The following ANO1 variants were observed in gnomAD, a reference collection of about 807,000 sequenced individuals.
The protein encoded by ANO1 is anoctamin-1.
A neutral mutation model predicts 124.0 loss-of-function variants in ANO1; 59 were observed. That is an observed-to-expected ratio of 0.48 (90% confidence interval 0.39 to 0.59). The LOEUF is 0.59. Ranked by LOEUF, ANO1 falls within the 20% of genes least tolerant of loss-of-function variation. The pLI is 0.00. For synonymous variants in ANO1, 529 were observed against 532.0 expected (o/e 0.99, Z 0.08); for missense variants, 1,059 against 1,328.0 (o/e 0.80, Z 3.15).
chr11:70,187,606 T>A, intron 25 of ANO1, 132 bp from the exon 26 acceptor site: 1 of 1,140,726 alleles, frequency 8.8e-7, no homozygotes, highest in Non-Finnish European at 1.2e-6. Flanking sequence ...TCTGGAAAAC[T>A]GAGGCCCAGG....
At chr11:70,087,704 A>G in intron 1 of ANO1, 48 bp from the exon 2 acceptor site, 2 of 1,506,496 alleles carry the variant, frequency 1.3e-6, no homozygotes, top group Non-Finnish European at 1.8e-6. Flanking sequence ...CCAAAGGCCC[A>G]TCACGAGCAG....
chr11:70,108,292 G>C, intron 5 of ANO1, 61 bp from the exon 6 acceptor site: 1 of 1,531,084 alleles, frequency 6.5e-7, no homozygotes. Flanking sequence ...ACAGCAGACT[G>C]TTTCTGCTCG....
At chr11:70,111,371 C>T (rs936776630) in intron 6 of ANO1, among the ~76,000 whole-genome samples, 5 of 152,204 alleles carry the variant, frequency 3.3e-5, no homozygotes, top group Non-Finnish European at 5.9e-5. Context: ...TGGGGGGAGC[C>T]GGTGAATCGG....
intron 1 of ANO1, among the ~76,000 whole-genome samples, chr11:70,042,573 T>A (rs2135060307): frequency 6.7e-6 from 1 of 149,008 alleles, no homozygotes; most frequent in Middle Eastern, 3.5e-3. Flanking sequence ...GAGAGAGAAA[T>A]CTGCAGAGAG....
rs2135164045 is a variant in ANO1 at position 70,078,643 on chromosome 11, G to A, written c.37G>A (p.Glu13Lys). Residue 13 changes from glutamate (E) to lysine (K), a missense_variant, in exon 1 of 26, where the codon GAG becomes AAG. By Grantham distance (56) the Glu-to-Lys change is moderately conservative. Transcript: ENST00000355303. ...VNEKYSTLPAEDRSVHIINIC... is the reference protein window; with the variant it reads ...VNEKYSTLPAKDRSVHIINIC... Reference sequence around the variant, plus strand: ...CGAGAAGTACTCGACGCTCCCGGCCGAGGACCGCAGCGTCCACATCATCAA... The same window carrying A: ...CGAGAAGTACTCGACGCTCCCGGCCAAGGACCGCAGCGTCCACATCATCAA... The A allele has an allele frequency of 1.3e-6, 2 of 1,500,864 alleles. No individual in the cohort carries two copies. Among genetic ancestry groups the A allele is most frequent in the Non-Finnish European group, 1.8e-6 (2 of 1,115,038 alleles). 93.0% of individuals were successfully genotyped at this position (1,500,864 alleles called of 1,614,324 possible).
intron 1 of ANO1, among the ~76,000 whole-genome samples, chr11:70,005,538 T>C (rs540749740): frequency 6.6e-6 from 1 of 152,340 alleles, no homozygotes; most frequent in East Asian, 1.9e-4. Flanking sequence ...CATGGCCTCA[T>C]TGTTGATCTT....
intron 1 of ANO1, among the ~76,000 whole-genome samples, chr11:70,014,379 T>C (rs1856662267): frequency 6.6e-6 from 1 of 151,652 alleles, no homozygotes; most frequent in Admixed American, 6.6e-5. Context: ...CTGGTTTTGA[T>C]GTCAACATCA....
At chr11:70,099,773 C>A (rs2045184825) in intron 2 of ANO1, among the ~76,000 whole-genome samples, 1 of 152,294 alleles carries the variant, frequency 6.6e-6, no homozygotes, top group East Asian at 1.9e-4. Flanking sequence ...GGGAAACAGG[C>A]CTTGTGATAC....
intron 1 of ANO1, among the ~76,000 whole-genome samples, chr11:70,039,170 G>T (rs1555004773): frequency 6.6e-6 from 1 of 152,188 alleles, no homozygotes; most frequent in Non-Finnish European, 1.5e-5. Context: ...AGGAAGTAAG[G>T]CAGGTAACAA....
At chr11:70,034,862 G>T (rs1403553591) in intron 1 of ANO1, among the ~76,000 whole-genome samples, 4 of 152,134 alleles carry the variant, frequency 2.6e-5, no homozygotes, top group Non-Finnish European at 5.9e-5. Context: ...GCCAGAGGCA[G>T]GAAAGCCTGA....
chr11:70,118,431 C>A (rs2046082711), intron 8 of ANO1, among the ~76,000 whole-genome samples: 2 of 152,148 alleles, frequency 1.3e-5, no homozygotes, highest in African/African-American at 4.8e-5. Context: ...AATTTTAGGT[C>A]CCAGCAGTGG....
rs2044949667 is a variant in ANO1 at position 70,096,204 on chromosome 11, T to A, written c.442-6862T>A. Among the ~76,000 whole-genome samples the A allele has an allele frequency of 2.0e-5, 3 of 152,210 alleles. No individual in the cohort carries two copies. In the South Asian group the frequency reaches 6.2e-4, roughly 32 times the overall value. On this transcript the variant is annotated intron_variant, in intron 2 of 25. Coordinates refer to ENST00000355303, the MANE Select transcript of ANO1 (RefSeq NM_018043.7). ...AAAGGTGACCTTGTCCAGAAAGGTT[T>A]GCAGCGTTATAGATGAGAGCCACCT...
chr11:70,151,606 G>A (rs746010502), intron 12 of ANO1, among the ~76,000 whole-genome samples: 4 of 152,164 alleles, frequency 2.6e-5, no homozygotes, highest in African/African-American at 7.2e-5. Context: ...TCCTGACCCT[G>A]ATGGCTTGGG....
chr11:70,064,772 G>A (rs1555008266), intron 1 of ANO1: 2 of 152,222 alleles, frequency 1.3e-5, no homozygotes. Context: ...TTATACTTTA[G>A]TATGAGTTTG....
chr11:70,127,863 G>T (rs980043833), intron 10 of ANO1, among the ~76,000 whole-genome samples: 4 of 152,232 alleles, frequency 2.6e-5, no homozygotes, highest in Non-Finnish European at 1.5e-5. Context: ...TGCCTTCAGC[G>T]TGCAAATCGC....
chr11:70,116,663 G>T, intron 8 of ANO1, 164 bp downstream of exon 8: 1 of 616,526 alleles, frequency 1.6e-6, no homozygotes, highest in Non-Finnish European at 2.8e-6. Flanking sequence ...ACCTTTTCAG[G>T]AGAAAAGTCC....
the ANO1 span, among the ~76,000 whole-genome samples, chr11:69,979,924 C>T: frequency 6.6e-6 from 1 of 152,180 alleles, no homozygotes; most frequent in African/African-American, 2.4e-5. Context: ...CCCTGGCCAA[C>T]TGTGCCGTGC....
At chr11:70,140,658 T>C (rs2047121088) in intron 11 of ANO1, among the ~76,000 whole-genome samples, 1 of 152,184 alleles carries the variant, frequency 6.6e-6, no homozygotes, top group African/African-American at 2.4e-5. Context: ...CTTGTTTATG[T>C]AGAGGATAAC....
At chr11:70,091,755 C>T (rs979253042) in intron 2 of ANO1, among the ~76,000 whole-genome samples, 1 of 152,190 alleles carries the variant, frequency 6.6e-6, no homozygotes, top group African/African-American at 2.4e-5. Flanking sequence ...GGGTGGGACA[C>T]ACTGTGTCAC....
Sources: gnomAD v4.1 joint callset for allele counts (sites outside exome capture counted in the v4.1 genomes callset) on GRCh38, gnomAD v4.1.1 for gene constraint, MANE v1.5 for transcripts, NCBI Gene and HGNC (gene_info 2026-07-23, HGNC 2026-07-21) for gene names.